The following CFAP97 variants were observed in gnomAD, a reference collection of about 807,000 sequenced individuals.
CFAP97 encodes the protein cilia- and flagella-associated protein 97.
Under a neutral mutation model 43.1 loss-of-function variants are expected in CFAP97, and 36 were observed. The ratio of observed to expected loss-of-function variants is 0.84; its 90% CI spans 0.64 to 1.10. CFAP97 has a LOEUF of 1.10. Ranked by LOEUF, CFAP97 falls within the 50% of genes least tolerant of loss-of-function variation. CFAP97 has a pLI of 0.00. For missense variants in CFAP97, 657 were observed against 620.3 expected (o/e 1.06, Z -0.63); for synonymous variants, 228 against 225.7 (o/e 1.01, Z -0.09).
At chr4:185,202,217 C>T (rs552777992) in intron 1 of CFAP97, among the ~76,000 whole-genome samples, 3 of 152,126 alleles carry the variant, frequency 2.0e-5, no homozygotes, top group African/African-American at 7.2e-5. Flanking sequence ...TTGCTACCCA[C>T]GAGGGTAGAA....
At chr4:185,163,322 T>C (rs1418013231) in intron 4 of CFAP97, among the ~76,000 whole-genome samples, 2 of 152,136 alleles carry the variant, frequency 1.3e-5, no homozygotes, top group East Asian at 1.9e-4. Context: ...AAGGAATAAA[T>C]GGAACTACTA....
intron 3 of CFAP97, among the ~76,000 whole-genome samples, chr4:185,174,423 C>T (rs1735434944): frequency 6.6e-6 from 1 of 152,132 alleles, no homozygotes; most frequent in African/African-American, 2.4e-5. Context: ...GGGTTCAAGA[C>T]TACTATTTTT....
rs201895836 is a variant in CFAP97 at position 185,175,890 on chromosome 4, C to T, written c.1216G>A (p.Gly406Arg). 2 of 1,613,930 alleles carry T rather than the reference C, an allele frequency of 1.2e-6. No individual in the cohort carries two copies. Among genetic ancestry groups the T allele is most frequent in the African/African-American group, 2.7e-5 (2 of 75,018 alleles). The change falls in exon 3 of 5, where the codon GGA (glycine) becomes AGA (arginine). Residue 406 changes from glycine to arginine, a missense_variant. Gly to Arg is a moderately radical substitution (Grantham distance 125). Transcript: ENST00000458385. Reference sequence around the variant, plus strand: ...GATCTAGGAATTGTACTTTTGCTTCCCGGCTTTTCCGCCTGTCTTGACAGT... The same window carrying T: ...GATCTAGGAATTGTACTTTTGCTTCTCGGCTTTTCCGCCTGTCTTGACAGT... The part of the protein sequence containing the change: ...KELSRQAEKP[G>R]SKSTIPRSAD...
At chr4:185,207,371 C>T (rs1737234167), upstream of CFAP97, among the ~76,000 whole-genome samples, 1 of 151,972 alleles carries the variant, frequency 6.6e-6, no homozygotes, top group Non-Finnish European at 1.5e-5. Context: ...CGCACACCAC[C>T]ACACCTGGTT....
In CFAP97 at chr4:185,181,693, G is replaced by A. The variant is rs148416979; in HGVS notation, c.1055-5642C>T. On this transcript the variant is annotated intron_variant, in intron 2 of 4. Transcript: ENST00000458385. ...AATCATCAAGCTTGCTCTTTTAAGA[G>A]TTTGAAGTATTACATTCTTCAGCTA... Among the ~76,000 whole-genome samples, 646 of 152,314 alleles carry A rather than the reference G, an allele frequency of 4.2e-3. 1 individual carries two copies. Among genetic ancestry groups the A allele is most frequent in the Non-Finnish European group, 7.0e-3 (477 of 68,026 alleles).
At chr4:185,172,895 A>C (rs183596101) in intron 3 of CFAP97, among the ~76,000 whole-genome samples, 1 of 151,756 alleles carries the variant, frequency 6.6e-6, no homozygotes, top group Non-Finnish European at 1.5e-5. Flanking sequence ...CTCAAAGAGC[A>C]AATGTGGCTC....
At chr4:185,175,332 T>G (rs548724708) in intron 3 of CFAP97, among the ~76,000 whole-genome samples, 1 of 152,154 alleles carries the variant, frequency 6.6e-6, no homozygotes, top group East Asian at 1.9e-4. Context: ...AGTGGTAGAA[T>G]CTCGGCTCCC....
intron 3 of CFAP97, among the ~76,000 whole-genome samples, chr4:185,174,915 A>T (rs1735454787): frequency 6.6e-6 from 1 of 152,242 alleles, no homozygotes; most frequent in South Asian, 2.1e-4. Flanking sequence ...ATGCTATAAT[A>T]GTTTTAAATG....
chr4:185,162,657 A>C lies in CFAP97; in HGVS notation c.*141T>G. 1 of 889,306 alleles carries C rather than the reference A, an allele frequency of 1.1e-6. No individual in the cohort carries two copies. 55.1% of individuals were successfully genotyped at this position (889,306 alleles called of 1,614,324 possible). On this transcript the variant is annotated 3_prime_UTR_variant, in exon 5 of 5. Transcript: ENST00000458385. ...GTTTTTTGACAATAATTTTGCACTG[A>C]ATAACAATACATTACAACTCACTGT...
At chr4:185,166,755 C>G (rs1472493616) in intron 3 of CFAP97, among the ~76,000 whole-genome samples, 1 of 152,146 alleles carries the variant, frequency 6.6e-6, no homozygotes, top group African/African-American at 2.4e-5. Flanking sequence ...ATGTGTCCAT[C>G]TGAGTGTTAC....
At chr4:185,193,725 C>G (rs1016520065) in intron 1 of CFAP97, among the ~76,000 whole-genome samples, 5 of 152,000 alleles carry the variant, frequency 3.3e-5, no homozygotes, top group African/African-American at 1.2e-4. Flanking sequence ...TATTTTACAT[C>G]AAATCAGGGA....
intron 3 of CFAP97, among the ~76,000 whole-genome samples, chr4:185,164,742 T>A (rs1213033684): frequency 1.3e-5 from 2 of 152,232 alleles, no homozygotes; most frequent in African/African-American, 2.4e-5. Context: ...CCTAATTCTT[T>A]TGTGCCAGGT....
intron 2 of CFAP97, among the ~76,000 whole-genome samples, chr4:185,189,642 T>C (rs1411358510): frequency 6.6e-6 from 1 of 152,234 alleles, no homozygotes; most frequent in African/African-American, 2.4e-5. Context: ...ATCAATTTGG[T>C]AATTATTTTT....
At chr4:185,209,605 A>G (rs1406498933), upstream of CFAP97, 3 of 414,306 alleles carry the variant, frequency 7.2e-6, no homozygotes, top group African/African-American at 2.2e-5. This position sits in a 1 kb window ranked among gnomAD's most constrained non-coding sequence, Gnocchi z 5.2. Flanking sequence ...TTCAGTCACA[A>G]CACGGTGGGG....
In CFAP97 at chr4:185,194,567, G is replaced by A. The variant is rs142128303; in HGVS notation, c.-16-3355C>T. On this transcript the variant is annotated intron_variant, in intron 1 of 4. Coordinates refer to ENST00000458385, the MANE Select transcript of CFAP97 (RefSeq NM_020827.3). ...TAAAGAAACAGGTCCTCACTCCATC[G>A]CCCAGGCTGGAGTACAGTGACAGGA... Among the ~76,000 whole-genome samples the A allele has an allele frequency of 8.8e-4, 134 of 152,148 alleles. No homozygotes were observed. The East Asian group carries it at 0.019, about 22-fold the overall frequency.
At chr4:185,168,367 G>C (rs1272908613) in intron 3 of CFAP97, among the ~76,000 whole-genome samples, 1 of 152,096 alleles carries the variant, frequency 6.6e-6, no homozygotes, top group Non-Finnish European at 1.5e-5. Context: ...AGCACTTCGG[G>C]AGGCTGAGGC....
In CFAP97 at chr4:185,179,463, G is replaced by A. The variant is rs140319044; in HGVS notation, c.1055-3412C>T. Among the ~76,000 whole-genome samples the A allele has an allele frequency of 2.6e-5, 4 of 152,218 alleles. No homozygotes were observed. In the East Asian group the frequency reaches 5.8e-4, roughly 22 times the overall value. ...GAAATGATGCTATGTGACTTTTGAGGCTAGGTCATAAAAGGCAATGAGGTT... is the reference window on the plus strand; with the variant it reads ...GAAATGATGCTATGTGACTTTTGAGACTAGGTCATAAAAGGCAATGAGGTT... On this transcript the variant is annotated intron_variant, in intron 2 of 4. Transcript: ENST00000458385.
At chr4:185,177,743 G>A (rs965201165) in intron 2 of CFAP97, among the ~76,000 whole-genome samples, 1 of 152,108 alleles carries the variant, frequency 6.6e-6, no homozygotes, top group East Asian at 1.9e-4. Flanking sequence ...GCTGAGGCAG[G>A]AGAATCGCTT....
In CFAP97 at chr4:185,160,094, AC is replaced by A. The variant is rs947441079; in HGVS notation, c.*2703del. 1 of 118,090 alleles carries A rather than the reference AC, an allele frequency of 8.5e-6. No individual in the cohort carries two copies. Among genetic ancestry groups the A allele is most frequent in the African/African-American group, 3.1e-5 (1 of 32,132 alleles). The allele number at this position is 118,090 out of a possible 1,614,324, so 7.3% of individuals were successfully genotyped here. On this transcript the variant is annotated 3_prime_UTR_variant, in exon 5 of 5. Coordinates refer to ENST00000458385, the MANE Select transcript of CFAP97 (RefSeq NM_020827.3). The stretch of plus-strand genomic sequence containing the variant: ...GGAGAGAAAACAACTGCATTACACT[AC>A]ATTTTTAAGCAAACCAAAGAACTTT...
Sources: allele counts gnomAD v4.1 joint callset (sites outside exome capture counted in the v4.1 genomes callset), GRCh38; gene constraint gnomAD v4.1.1; non-coding constraint Gnocchi (gnomAD v3.1); transcripts MANE v1.5; gene names NCBI Gene and HGNC (gene_info 2026-07-23, HGNC 2026-07-21).